Variants in IRAK1BP1 observed in about 807,000 individuals in gnomAD.
The protein encoded by IRAK1BP1 is interleukin-1 receptor-associated kinase 1-binding protein 1.
Under a neutral mutation model 28.0 loss-of-function variants are expected in IRAK1BP1, and 24 were observed. The ratio of observed to expected loss-of-function variants is 0.86; its 90% CI spans 0.62 to 1.20. IRAK1BP1 has a LOEUF of 1.20. IRAK1BP1 is among the 50% of genes most tolerant of loss of function. The probability of loss-of-function intolerance (pLI) is 0.00; values close to 1 mark genes in which losing one functional copy is unlikely to be tolerated. For missense variants in IRAK1BP1, 336 were observed against 316.7 expected (o/e 1.06, Z -0.46); for synonymous variants, 131 against 116.3 (o/e 1.13, Z -0.81).
At chr6:78,889,434 G>A (rs1028473506) in intron 2 of IRAK1BP1, among the ~76,000 whole-genome samples, 2 of 151,938 alleles carry the variant, frequency 1.3e-5, no homozygotes, top group African/African-American at 2.4e-5. Context: ...TGGGATCTAA[G>A]TAAACTAAAG....
Position 78,901,204 on chromosome 6 carries a change from AGG to A in IRAK1BP1, c.*2871_*2872del, listed in dbSNP as rs1772083719. The A allele has an allele frequency of 1.3e-5, 2 of 151,540 alleles. No homozygotes were observed. The highest frequency in any genetic ancestry group is 6.6e-5 in the Admixed American group (1 of 15,202). The allele number at this position is 151,540 out of a possible 1,614,324, so 9.4% of individuals were successfully genotyped here. On this transcript the variant is annotated 3_prime_UTR_variant, in exon 4 of 4. Coordinates refer to ENST00000369940, the MANE Select transcript of IRAK1BP1 (RefSeq NM_001010844.4). ...AAGACAATTTTTTTTTTAAGTTAGT[AGG>A]CACTTTTTAGAATTTCCAGGAACTT...
intron 4 of IRAK1BP1, chr6:78,945,148 A>G (rs116682867): frequency 2.1e-5 from 13 of 619,772 alleles, no homozygotes; most frequent in African/African-American, 5.5e-5. Flanking sequence ...CAGTGGCACA[A>G]TAATAGCTCA....
intron 1 of IRAK1BP1, among the ~76,000 whole-genome samples, chr6:78,878,755 A>G (rs1771107248): frequency 6.6e-6 from 1 of 152,202 alleles, no homozygotes; most frequent in Non-Finnish European, 1.5e-5. Context: ...AACCTTGAAA[A>G]AAGATTAGAT....
At chr6:78,937,887 C>G (rs1036848070) in intron 4 of IRAK1BP1, 2 of 151,730 alleles carry the variant, frequency 1.3e-5, no homozygotes, top group East Asian at 3.9e-4. Flanking sequence ...GGGTTGGGTA[C>G]TTAGAAATAC....
the IRAK1BP1 span, chr6:78,965,999 T>C: frequency 1.2e-6 from 2 of 1,613,898 alleles, no homozygotes; most frequent in Admixed American, 1.7e-5. Flanking sequence ...AAGAGGTTCC[T>C]GGCTTTCGAT....
intron 4 of IRAK1BP1, among the ~76,000 whole-genome samples, chr6:78,924,996 T>G (rs1000092026): frequency 5.3e-5 from 8 of 152,070 alleles, no homozygotes; most frequent in African/African-American, 1.9e-4. Context: ...CCATAAAAAA[T>G]GATGAGTTCA....
At chr6:78,936,082 C>T (rs1316540703) in intron 4 of IRAK1BP1, 1 of 151,828 alleles carries the variant, frequency 6.6e-6, no homozygotes, top group African/African-American at 2.4e-5. Flanking sequence ...TGTGAAACTG[C>T]TGTTTATAAT....
intron 1 of IRAK1BP1, among the ~76,000 whole-genome samples, chr6:78,875,071 G>A (rs547685802): frequency 6.6e-6 from 1 of 152,216 alleles, no homozygotes; most frequent in South Asian, 2.1e-4. Context: ...AGTGGGCAAA[G>A]GAAATGAGTA....
exon 5 of IRAK1BP1, chr6:78,945,688 T>TG (rs981176257): frequency 4.7e-5 from 29 of 613,036 alleles, no homozygotes; most frequent in African/African-American, 4.3e-4. Context: ...TTCAGCCCTT[T>TG]TAGAAGCTGT....
intron 1 of IRAK1BP1, among the ~76,000 whole-genome samples, chr6:78,878,144 G>A (rs144551955): frequency 1.3e-5 from 2 of 152,282 alleles, no homozygotes; most frequent in East Asian, 1.9e-4. Flanking sequence ...GAAGAGAGTA[G>A]TGGTTCTCCC....
exon 5 of IRAK1BP1, chr6:78,946,359 AAT>A: frequency 7.2e-7 from 1 of 1,397,040 alleles, no homozygotes; most frequent in South Asian, 1.5e-5. Context: ...ACTATTATGA[AAT>A]ATGTTAAAAT....
At chr6:78,907,597 G>A (rs1772292420), downstream of IRAK1BP1, among the ~76,000 whole-genome samples, 1 of 152,146 alleles carries the variant, frequency 6.6e-6, no homozygotes, top group African/African-American at 2.4e-5. Context: ...TTTAGAAGCT[G>A]TTACTGAGAA....
the IRAK1BP1 span, among the ~76,000 whole-genome samples, chr6:78,971,652 C>T: frequency 0.34 from 51,092 of 151,768 alleles, 8,755 homozygotes; most frequent in Non-Finnish European, 0.35. Flanking sequence ...AGACAGTGGG[C>T]GCAGGTCAGT....
chr6:78,880,577 A>G (rs1419347748), intron 1 of IRAK1BP1, among the ~76,000 whole-genome samples: 2 of 152,240 alleles, frequency 1.3e-5, no homozygotes, highest in Non-Finnish European at 2.9e-5. Context: ...AAGGACTTGT[A>G]TCTGTTAAGA....
At chr6:78,950,734 T>C (rs1193308649), downstream of IRAK1BP1, among the ~76,000 whole-genome samples, 1 of 152,210 alleles carries the variant, frequency 6.6e-6, no homozygotes, top group African/African-American at 2.4e-5. Flanking sequence ...TCTCTCTTTA[T>C]AAGCTGTGTA....
At chr6:78,930,060 C>T (rs564562804) in intron 4 of IRAK1BP1, among the ~76,000 whole-genome samples, 3 of 152,122 alleles carry the variant, frequency 2.0e-5, no homozygotes, top group South Asian at 4.2e-4. Context: ...TGTGAGCCTC[C>T]GAGTGGTTGG....
chr6:78,950,953 CT>C (rs1257732543), downstream of IRAK1BP1, among the ~76,000 whole-genome samples: 1 of 152,042 alleles, frequency 6.6e-6, no homozygotes, highest in Non-Finnish European at 1.5e-5. Context: ...GAAACTTCTC[CT>C]TTTCTGCTGT....
At chr6:78,954,814 TG>T in the IRAK1BP1 span, 1 of 1,572,342 alleles carries the variant, frequency 6.4e-7, no homozygotes, top group Admixed American at 2.0e-5. Context: ...AAATACTTAC[TG>T]GATATTCAAG....
chr6:78,955,402 C>T, the IRAK1BP1 span: 8 of 715,326 alleles, frequency 1.1e-5, no homozygotes, highest in South Asian at 1.6e-4. Flanking sequence ...TATGCTGGGG[C>T]ACTTTATTGA....
Sources: allele counts gnomAD v4.1 joint callset (sites outside exome capture counted in the v4.1 genomes callset), GRCh38; gene constraint gnomAD v4.1.1; transcripts MANE v1.5; gene names NCBI Gene and HGNC (gene_info 2026-07-23, HGNC 2026-07-21).